The following MYO5B variants were observed in gnomAD, a reference collection of about 807,000 sequenced individuals.
MYO5B encodes unconventional myosin-Vb.
Under a neutral mutation model 229.3 loss-of-function variants are expected in MYO5B, and 143 were observed. The ratio of observed to expected loss-of-function variants is 0.62; its 90% confidence interval spans 0.54 to 0.72. The LOEUF is 0.72. MYO5B is among the 30% of genes least tolerant of loss of function. The probability of loss-of-function intolerance (pLI) is 0.00; values close to 1 mark genes in which losing one functional copy is unlikely to be tolerated. For missense variants in MYO5B, 2,321 were observed against 2,331.0 expected (o/e 1.00, Z 0.09); for synonymous variants, 918 against 885.2 (o/e 1.04, Z -0.66).
chr18:49,896,150 A>C (rs932979802), intron 21 of MYO5B, among the ~76,000 whole-genome samples: 12 of 152,180 alleles, frequency 7.9e-5, no homozygotes, highest in African/African-American at 2.9e-4. Context: ...AAGAGCAGCA[A>C]AAGAAAAGCC....
intron 8 of MYO5B, among the ~76,000 whole-genome samples, chr18:49,983,915 A>C (rs1296959683): frequency 6.6e-6 from 1 of 152,078 alleles, no homozygotes; most frequent in Non-Finnish European, 1.5e-5. Flanking sequence ...CCTCCAAAGA[A>C]CCTAACATGC....
chr18:49,933,465 T>C (rs999552216), intron 16 of MYO5B, among the ~76,000 whole-genome samples: 1 of 152,230 alleles, frequency 6.6e-6, no homozygotes, highest in African/African-American at 2.4e-5. Flanking sequence ...ATGATAGATG[T>C]TTCTTAAATG....
intron 1 of MYO5B, among the ~76,000 whole-genome samples, chr18:50,100,093 C>T (rs532617049): frequency 4.6e-5 from 7 of 152,308 alleles, no homozygotes; most frequent in Middle Eastern, 3.4e-3. Flanking sequence ...GGCTAGAAAC[C>T]GGAAGAACAC....
intron 10 of MYO5B, among the ~76,000 whole-genome samples, chr18:49,973,096 G>A (rs963558338): frequency 6.6e-6 from 1 of 152,086 alleles, no homozygotes; most frequent in African/African-American, 2.4e-5. Context: ...AACTTGTACA[G>A]CACGAAGCAT....
At chr18:50,042,786 A>T (rs1484617311) in intron 2 of MYO5B, among the ~76,000 whole-genome samples, 2 of 152,134 alleles carry the variant, frequency 1.3e-5, no homozygotes, top group African/African-American at 4.8e-5. Flanking sequence ...CGGGCTCTGC[A>T]CCCAGCTCAG....
chr18:49,861,603 T>G (rs532619472), intron 29 of MYO5B, among the ~76,000 whole-genome samples: 1 of 152,360 alleles, frequency 6.6e-6, no homozygotes, highest in South Asian at 2.1e-4. Context: ...GAAATAAATT[T>G]AATTTCCTCC....
chr18:49,902,357 T>C (rs556226047), intron 21 of MYO5B, among the ~76,000 whole-genome samples: 1 of 152,344 alleles, frequency 6.6e-6, no homozygotes, highest in South Asian at 2.1e-4. Flanking sequence ...CTTAATTTAA[T>C]TGCATCTGCA....
chr18:49,990,090 A>C (rs2025912867), intron 7 of MYO5B, among the ~76,000 whole-genome samples: 1 of 152,204 alleles, frequency 6.6e-6, no homozygotes, highest in Non-Finnish European at 1.5e-5. Context: ...GATGTATATT[A>C]CTTTTATCTC....
chr18:49,875,597 T>C, intron 26 of MYO5B, 90 bp downstream of exon 26: 1 of 1,556,482 alleles, frequency 6.4e-7, no homozygotes, highest in Non-Finnish European at 8.8e-7. Context: ...CAATCCCATG[T>C]GGTCACACAT....
At chr18:50,105,055 G>A (rs191895325) in intron 1 of MYO5B, among the ~76,000 whole-genome samples, 104 of 138,888 alleles carry the variant, frequency 7.5e-4, no homozygotes, top group Middle Eastern at 3.5e-3. Flanking sequence ...CTTGGCTTCT[G>A]GAGTTTTAGG....
chr18:50,190,683 G>A (rs2033214665), intron 1 of MYO5B, among the ~76,000 whole-genome samples: 1 of 152,192 alleles, frequency 6.6e-6, no homozygotes, highest in Non-Finnish European at 1.5e-5. Flanking sequence ...ATCAAGAAGA[G>A]CAAGAACACA....
intron 4 of MYO5B, among the ~76,000 whole-genome samples, chr18:50,004,743 C>G (rs1003852380): frequency 6.6e-6 from 1 of 152,054 alleles, no homozygotes; most frequent in South Asian, 2.1e-4. Context: ...GGCAACAGAG[C>G]AAGATCTCAA....
chr18:49,887,311 T>C lies in MYO5B; in HGVS notation c.3046-6856A>G, dbSNP rs143495795. On this transcript the variant is annotated intron_variant, in intron 22 of 39. Transcript: ENST00000285039. Reference sequence around the variant, plus strand: ...CGTTCCATTTCAGAGGGATATTGACTGTGTGTAGGATGCTCAAAGGATGGC... The same window carrying C: ...CGTTCCATTTCAGAGGGATATTGACCGTGTGTAGGATGCTCAAAGGATGGC... 8.0e-3 allele frequency among the ~76,000 whole-genome samples: 1,213 copies of C among 152,086 alleles called. 12 individuals are homozygous for C. The highest frequency in any genetic ancestry group is 0.012 in the Non-Finnish European group (800 of 67,876).
intron 16 of MYO5B, among the ~76,000 whole-genome samples, chr18:49,930,520 A>G (rs1049853985): frequency 6.6e-6 from 1 of 152,324 alleles, no homozygotes; most frequent in South Asian, 2.1e-4. Flanking sequence ...TATACAAGAC[A>G]GTACATAACA....
At chr18:50,027,806 C>T (rs183672936) in intron 4 of MYO5B, among the ~76,000 whole-genome samples, 2 of 152,270 alleles carry the variant, frequency 1.3e-5, no homozygotes, top group East Asian at 3.9e-4. Flanking sequence ...GAGACCTGAT[C>T]TATTAGATGC....
rs966892340 is a variant in MYO5B, at chr18:49,912,153, A to T, written c.2111T>A (p.Phe704Tyr). ...CTTGACCAGCACCCGATACCGGTTGAAAAAGTCATGGTAGGCCCACCTGGA... is the reference window on the plus strand; with the variant it reads ...CTTGACCAGCACCCGATACCGGTTGTAAAAGTCATGGTAGGCCCACCTGGA... ...YPSRWAYHDFFNRYRVLVKKR... is the reference protein window; with the variant it reads ...YPSRWAYHDFYNRYRVLVKKR... Residue 704 changes from phenylalanine (F) to tyrosine (Y), a missense_variant, in exon 18 of 40, where the codon TTC (phenylalanine) becomes TAC (tyrosine). Transcript: ENST00000285039. 6.2e-7 allele frequency: 1 copy of T among 1,613,816 alleles called. No individual in the cohort carries two copies. The highest frequency in any genetic ancestry group is 8.5e-7 in the Non-Finnish European group (1 of 1,179,974).
At chr18:50,096,837 A>C (rs2031560845) in intron 1 of MYO5B, among the ~76,000 whole-genome samples, 1 of 152,174 alleles carries the variant, frequency 6.6e-6, no homozygotes, top group Non-Finnish European at 1.5e-5. Flanking sequence ...CCCTAGGTCC[A>C]ACACTGGCTT....
intron 31 of MYO5B, among the ~76,000 whole-genome samples, chr18:49,852,584 A>G (rs977593543): frequency 6.6e-6 from 1 of 152,114 alleles, no homozygotes; most frequent in Non-Finnish European, 1.5e-5. Flanking sequence ...GGACTCCTGG[A>G]CTGGATGCAC....
At chr18:50,039,228 A>G (rs906396344) in intron 3 of MYO5B, among the ~76,000 whole-genome samples, 3 of 152,222 alleles carry the variant, frequency 2.0e-5, no homozygotes, top group Non-Finnish European at 4.4e-5. Flanking sequence ...ACAACGGTTT[A>G]TAGGGTTCTA....
Sources: gnomAD v4.1 joint callset for allele counts (sites outside exome capture counted in the v4.1 genomes callset) on GRCh38, gnomAD v4.1.1 for gene constraint, MANE v1.5 for transcripts, NCBI Gene and HGNC (gene_info 2026-07-23, HGNC 2026-07-21) for gene names.